Variants in NDRG1 observed in about 807,000 individuals in gnomAD.
The protein encoded by NDRG1 is N-myc downstream regulated 1.
In NDRG1, 32 loss-of-function variants were observed where a neutral mutation model predicts 56.9. The observed-to-expected ratio is 0.56, with a 90% CI of 0.42 to 0.76. The LOEUF is 0.76. Ranked by LOEUF, NDRG1 falls within the 30% of genes least tolerant of loss-of-function variation. The pLI, the probability that NDRG1 is intolerant of heterozygous loss-of-function variation, is 0.00. For synonymous variants in NDRG1, 211 were observed against 204.1 expected, an observed-to-expected ratio of 1.03 and a Z score of -0.29; for missense variants, 507 against 545.7, an observed-to-expected ratio of 0.93 and a Z score of 0.71.
At chr8:133,241,308 C>A (rs966807922) in intron 15 of NDRG1, 3 of 155,710 alleles carry the variant, frequency 1.9e-5, no homozygotes, top group African/African-American at 7.2e-5. Flanking sequence ...CTGTCCTAGT[C>A]CTGGGACAGC....
chr8:133,264,530 A>G lies in NDRG1; in HGVS notation c.205+17T>C. 1 of 1,611,110 alleles carries G rather than the reference A, an allele frequency of 6.2e-7. No individual in the cohort carries two copies. The highest frequency in any genetic ancestry group is 8.5e-7 in the Non-Finnish European group (1 of 1,177,252). Reference sequence around the variant, plus strand: ...TGGGAACCGGCTGACAGGGAATCAGAGCTCCTCAGAACTTACGGTTCATGC... The same window carrying G: ...TGGGAACCGGCTGACAGGGAATCAGGGCTCCTCAGAACTTACGGTTCATGC... On this transcript the variant is annotated intron_variant, in intron 4 of 15. Coordinates refer to ENST00000323851, the MANE Select transcript of NDRG1 (RefSeq NM_006096.4).
At position 133,259,500 on chromosome 8, in the gene NDRG1, C is replaced by T. The variant is rs1856557771; in HGVS notation, c.327-270G>A. 3 of 517,454 alleles carry T rather than the reference C, an allele frequency of 5.8e-6. No individual in the cohort carries two copies. In the East Asian group the frequency reaches 1.0e-4, roughly 18 times the overall value. The allele number at this position is 517,454 out of a possible 1,614,324, so 32.1% of individuals were successfully genotyped here. Reference sequence around the variant, plus strand: ...AACTCTAGGAGGCTGCTAGGATTTCCCCTCATAGCAAGATTATAAACATCA... The same window carrying T: ...AACTCTAGGAGGCTGCTAGGATTTCTCCTCATAGCAAGATTATAAACATCA... On this transcript the variant is annotated intron_variant, in intron 5 of 15. Transcript: ENST00000323851.
intron 15 of NDRG1, chr8:133,240,286 C>T (rs1855307380): frequency 6.6e-6 from 1 of 152,082 alleles, no homozygotes. Context: ...CTGAGTCAGA[C>T]ATCAGAAACA....
At chr8:133,280,113 T>C (rs1857700105) in intron 3 of NDRG1, 119 bp downstream of exon 3, 6 of 1,240,424 alleles carry the variant, frequency 4.8e-6, no homozygotes, top group Non-Finnish European at 6.9e-6. Flanking sequence ...CTGAGACCAC[T>C]GCCTTCTCTC....
At chr8:133,274,228 A>G (rs945353144) in intron 3 of NDRG1, among the ~76,000 whole-genome samples, 8 of 152,248 alleles carry the variant, frequency 5.3e-5, no homozygotes, top group Non-Finnish European at 1.2e-4. Flanking sequence ...AGCTGTCTCC[A>G]GAGACAGGCC....
At chr8:133,284,074 CTGTA>C (rs1386837254) in intron 2 of NDRG1, among the ~76,000 whole-genome samples, 171 bp downstream of exon 2, 77 of 152,204 alleles carry the variant, frequency 5.1e-4, no homozygotes, top group African/African-American at 1.8e-3. Context: ...GCATGTGTGT[CTGTA>C]TGCTATGTAC....
intron 2 of NDRG1, among the ~76,000 whole-genome samples, chr8:133,282,189 A>C (rs946743585): frequency 6.6e-6 from 1 of 152,200 alleles, no homozygotes; most frequent in Non-Finnish European, 1.5e-5. Flanking sequence ...AATAAATAAA[A>C]AATGTTGTTT....
intron 3 of NDRG1, among the ~76,000 whole-genome samples, chr8:133,276,747 A>G (rs1857475427): frequency 6.6e-6 from 1 of 151,686 alleles, no homozygotes; most frequent in Non-Finnish European, 1.5e-5. Flanking sequence ...AGTCCATTAA[A>G]CCTCTTTTTC....
At chr8:133,273,374 C>T (rs1012984434) in intron 3 of NDRG1, among the ~76,000 whole-genome samples, 1 of 152,188 alleles carries the variant, frequency 6.6e-6, no homozygotes, top group Non-Finnish European at 1.5e-5. Context: ...AACTTTGGCT[C>T]CAGACGTGTG....
At chr8:133,294,866 C>T (rs35118937) in intron 1 of NDRG1, among the ~76,000 whole-genome samples, 4,329 of 152,312 alleles carry the variant, frequency 0.028, 80 homozygotes, top group African/African-American at 0.043. Flanking sequence ...TCCTTTCGCC[C>T]CTCCATAGCA....
At chr8:133,268,931 T>C (rs1857054863) in intron 3 of NDRG1, among the ~76,000 whole-genome samples, 1 of 152,066 alleles carries the variant, frequency 6.6e-6, no homozygotes, top group African/African-American at 2.4e-5. Flanking sequence ...CGCACGCGGT[T>C]CTAAGCCAGT....
At chr8:133,284,354 G>A (rs965308193) in intron 1 of NDRG1, 25 bp from the exon 2 acceptor site, 2 of 1,610,712 alleles carry the variant, frequency 1.2e-6, no homozygotes, top group Non-Finnish European at 8.5e-7. Context: ...AGGCCAAAAG[G>A]TCAACACTTC....
At position 133,297,126 on chromosome 8, in the gene NDRG1, G is replaced by C. The variant is rs1468392487; in HGVS notation, c.-19+8C>G. On this transcript the variant is annotated splice_region_variant and intron_variant, in intron 1 of 15. Coordinates refer to ENST00000323851, the MANE Select transcript of NDRG1 (RefSeq NM_006096.4). ...CGTCGCGCCTGGGAGAAGAGGGCGC[G>C]GGCTTACCTAACGCGAGGGAGAAAG... The C allele has an allele frequency of 6.6e-6, 1 of 152,448 alleles. No homozygotes were observed. The highest frequency in any genetic ancestry group is 2.4e-5 in the African/African-American group (1 of 41,456). 9.4% of individuals were successfully genotyped at this position (152,448 alleles called of 1,614,324 possible).
intron 15 of NDRG1, chr8:133,240,141 T>C (rs1458324839): frequency 6.6e-6 from 1 of 152,252 alleles, no homozygotes; most frequent in East Asian, 1.9e-4. Flanking sequence ...ACCTTGATTT[T>C]GGACTTTAGG....
chr8:133,280,535 T>C (rs1366711603), intron 2 of NDRG1, among the ~76,000 whole-genome samples: 4 of 152,024 alleles, frequency 2.6e-5, no homozygotes, highest in East Asian at 1.9e-4. Flanking sequence ...GCCATTCTCC[T>C]GCCTCAGCCT....
At chr8:133,254,468 G>A in intron 9 of NDRG1, 71 bp downstream of exon 9, 1 of 1,540,254 alleles carries the variant, frequency 6.5e-7, no homozygotes, top group South Asian at 1.1e-5. Flanking sequence ...CCCCACATGG[G>A]GCCCTGTGCT....
chr8:133,265,092 C>T (rs1180971252), intron 3 of NDRG1: 1 of 254,618 alleles, frequency 3.9e-6, no homozygotes, highest in Non-Finnish European at 7.9e-6. Flanking sequence ...AAGAACAGCC[C>T]TCAGTTTCCT....
At chr8:133,251,298 C>T (rs1404662222) in intron 9 of NDRG1, among the ~76,000 whole-genome samples, 1 of 152,194 alleles carries the variant, frequency 6.6e-6, no homozygotes, top group Non-Finnish European at 1.5e-5. Context: ...CAGTGGCAAC[C>T]AGATGAGAAG....
chr8:133,296,517 C>G (rs894479975), intron 1 of NDRG1: 19 of 456,098 alleles, frequency 4.2e-5, no homozygotes, highest in Admixed American at 7.0e-5. Flanking sequence ...TGCACACCGC[C>G]CTGTGTGTGC....
Sources: gnomAD v4.1 joint callset for allele counts (sites outside exome capture counted in the v4.1 genomes callset) on GRCh38, gnomAD v4.1.1 for gene constraint, MANE v1.5 for transcripts, NCBI Gene and HGNC (gene_info 2026-07-23, HGNC 2026-07-21) for gene names.